Variants in SEPTIN7 observed in about 807,000 individuals in gnomAD.
SEPTIN7 encodes septin-7.
In SEPTIN7, 10 loss-of-function variants were observed where a neutral mutation model predicts 63.3. The ratio of observed to expected loss-of-function variants is 0.16; its 90% CI spans 0.10 to 0.27. The LOEUF (loss-of-function observed/expected upper bound fraction) is 0.27, where lower values mean the gene tolerates loss of function less well. Among genes scored for constraint, SEPTIN7 ranks in the 10% least tolerant of loss-of-function variants. The probability of loss-of-function intolerance (pLI) is 1.00; values close to 1 mark genes in which losing one functional copy is unlikely to be tolerated. For synonymous variants in SEPTIN7, 131 were observed against 165.3 expected, an observed-to-expected ratio of 0.79 and a Z score of 1.59; for missense variants, 310 against 521.0, an observed-to-expected ratio of 0.59 and a Z score of 3.94.
intron 3 of SEPTIN7, among the ~76,000 whole-genome samples, chr7:35,862,533 C>T (rs1192117744): frequency 1.3e-5 from 2 of 152,166 alleles, no homozygotes; most frequent in Non-Finnish European, 2.9e-5. Flanking sequence ...GTGTGGCCAA[C>T]CCATGTTACT....
At chr7:35,864,406 G>A (rs1258154492) in intron 4 of SEPTIN7, among the ~76,000 whole-genome samples, 1 of 152,048 alleles carries the variant, frequency 6.6e-6, no homozygotes, top group African/African-American at 2.4e-5. Context: ...TAGAGCAAGG[G>A]GCTAGATTCT....
intron 3 of SEPTIN7, among the ~76,000 whole-genome samples, chr7:35,837,205 ATT>A (rs1784124083): frequency 6.6e-6 from 1 of 152,166 alleles, no homozygotes; most frequent in African/African-American, 2.4e-5. Context: ...GAAAATAAAT[ATT>A]GTCATCTGTC....
At chr7:35,888,823 CAAA>C (rs70974780) in intron 10 of SEPTIN7, 2,831 of 186,202 alleles carry the variant, frequency 0.015, no homozygotes, top group South Asian at 0.027. Flanking sequence ...GACCCTGTAT[CAAA>C]AAAAAAAAAA....
At chr7:35,868,679 A>G (rs918537916) in intron 4 of SEPTIN7, among the ~76,000 whole-genome samples, 2 of 152,172 alleles carry the variant, frequency 1.3e-5, no homozygotes, top group African/African-American at 4.8e-5. Context: ...ATGATTTCCA[A>G]AAGAGACCTG....
intron 3 of SEPTIN7, among the ~76,000 whole-genome samples, chr7:35,855,692 A>AT: frequency 6.6e-6 from 1 of 152,180 alleles, no homozygotes; most frequent in East Asian, 1.9e-4. Context: ...TTAATTTTTA[A>AT]TTTCACTACA....
chr7:35,901,234 A>G (rs527657650), intron 12 of SEPTIN7: 2 of 152,260 alleles, frequency 1.3e-5, no homozygotes, highest in East Asian at 3.9e-4. Context: ...TCCTTTATAG[A>G]TAAGAAGGAT....
Position 35,905,074 on chromosome 7 carries a change from T to G in SEPTIN7, c.*781T>G, listed in dbSNP as rs1280670964. ...TTAACTCCCTTTTTACACTTTATGG[T>G]AAGTAGCAGGGGGGGAAATGCATTT... On this transcript the variant is annotated 3_prime_UTR_variant, in exon 14 of 14. Transcript: ENST00000350320. 1 of 152,574 alleles carries G rather than the reference T, an allele frequency of 6.6e-6. No homozygotes were observed. The highest frequency in any genetic ancestry group is 1.5e-5 in the Non-Finnish European group (1 of 68,022). 9.5% of individuals were successfully genotyped at this position (152,574 alleles called of 1,614,324 possible).
intron 1 of SEPTIN7, among the ~76,000 whole-genome samples, chr7:35,804,859 G>A (rs1304597538): frequency 5.4e-5 from 7 of 128,904 alleles, no homozygotes; most frequent in East Asian, 2.1e-4. Context: ...TTTTTGAGAC[G>A]TAATTTCGCT....
chr7:35,907,227 C>G (rs976875823), downstream of SEPTIN7: 1 of 152,112 alleles, frequency 6.6e-6, no homozygotes, highest in Admixed American at 6.5e-5. Flanking sequence ...CTGTGGTGTC[C>G]TACTTGATCT....
At chr7:35,823,386 A>C (rs541030552) in intron 1 of SEPTIN7, among the ~76,000 whole-genome samples, 1 of 152,180 alleles carries the variant, frequency 6.6e-6, no homozygotes, top group African/African-American at 2.4e-5. Context: ...TTTTTAGTAG[A>C]GATGGGGTTT....
intron 3 of SEPTIN7, among the ~76,000 whole-genome samples, chr7:35,842,486 A>C (rs978695809): frequency 5.3e-5 from 8 of 152,288 alleles, no homozygotes; most frequent in African/African-American, 1.9e-4. Flanking sequence ...CTGTGGATCA[A>C]ATTTTTAGCA....
intron 4 of SEPTIN7, among the ~76,000 whole-genome samples, chr7:35,870,157 G>A (rs13310768): frequency 1.1e-4 from 16 of 152,096 alleles, no homozygotes; most frequent in Non-Finnish European, 2.1e-4. Context: ...GTATTTGACC[G>A]TGTATGGATA....
intron 3 of SEPTIN7, among the ~76,000 whole-genome samples, chr7:35,862,871 CTA>C (rs1453144165): frequency 5.3e-5 from 8 of 152,008 alleles, no homozygotes; most frequent in African/African-American, 1.9e-4. Context: ...ATATACTAGA[CTA>C]TGTATGTTAG....
At chr7:35,866,848 T>C (rs1371888401) in intron 4 of SEPTIN7, among the ~76,000 whole-genome samples, 2 of 152,192 alleles carry the variant, frequency 1.3e-5, no homozygotes, top group Non-Finnish European at 2.9e-5. Flanking sequence ...CCAGTGCTTC[T>C]CAAACTTGAG....
intron 6 of SEPTIN7, among the ~76,000 whole-genome samples, chr7:35,879,130 G>A (rs145493891): frequency 2.6e-5 from 4 of 152,154 alleles, no homozygotes; most frequent in African/African-American, 9.7e-5. Context: ...CTTCTTGAAA[G>A]TACAGAGGCA....
intron 1 of SEPTIN7, among the ~76,000 whole-genome samples, chr7:35,804,957 C>G (rs2115639766): frequency 6.6e-6 from 1 of 151,600 alleles, no homozygotes; most frequent in African/African-American, 2.4e-5. Context: ...TCTCCTGTCT[C>G]AGCCTCGCGA....
chr7:35,902,670 T>C (rs1788393983), intron 12 of SEPTIN7: 1 of 153,668 alleles, frequency 6.5e-6, no homozygotes, highest in Admixed American at 6.5e-5. Context: ...TTCCACTTTC[T>C]GGCTAGCAAT....
At chr7:35,897,970 A>G (rs1471943645) in intron 11 of SEPTIN7, among the ~76,000 whole-genome samples, 1 of 141,194 alleles carries the variant, frequency 7.1e-6, no homozygotes, top group Non-Finnish European at 1.6e-5. Flanking sequence ...CATTCTGTGA[A>G]TGTATTTTGG....
Position 35,906,151 on chromosome 7 carries a change from C to A in SEPTIN7, c.*1858C>A, listed in dbSNP as rs1452238011. The A allele has an allele frequency of 1.3e-5, 2 of 152,068 alleles. No homozygotes were observed. Among genetic ancestry groups the A allele is most frequent in the Non-Finnish European group, 1.5e-5 (1 of 67,998 alleles). 9.4% of individuals were successfully genotyped at this position (152,068 alleles called of 1,614,324 possible). On this transcript the variant is annotated 3_prime_UTR_variant, in exon 14 of 14. Coordinates refer to ENST00000350320, the MANE Select transcript of SEPTIN7 (RefSeq NM_001788.6). ...AAAGGTAAAAAATGTATATAGACTG[C>A]CTGCTGAACTGGTTAAGTACTACTG...
Sources: allele counts gnomAD v4.1 joint callset (sites outside exome capture counted in the v4.1 genomes callset), GRCh38; gene constraint gnomAD v4.1.1; transcripts MANE v1.5; gene names NCBI Gene and HGNC (gene_info 2026-07-23, HGNC 2026-07-21).